Variants in FAT1 observed in about 807,000 individuals in gnomAD.
FAT1 encodes FAT atypical cadherin 1, also known as protocadherin Fat 1.
Under a neutral mutation model 329.8 loss-of-function variants are expected in FAT1, and 171 were observed. That is an observed-to-expected ratio of 0.52 (90% CI 0.46 to 0.59). FAT1 has a LOEUF of 0.59. FAT1 is among the 20% of genes least tolerant of loss of function. The probability of loss-of-function intolerance (pLI) is 0.00; values close to 1 mark genes in which losing one functional copy is unlikely to be tolerated. For synonymous variants in FAT1, 2,233 were observed against 2,228.6 expected (o/e 1.00, Z -0.06); for missense variants, 5,672 against 5,774.4 (o/e 0.98, Z 0.57).
At position 186,708,165 on chromosome 4, in the gene FAT1, C is replaced by A. The variant is rs1356988668; in HGVS notation, c.1663G>T (p.Ala555Ser). 4.3e-6 allele frequency: 7 copies of A among 1,613,872 alleles called. No individual in the cohort carries two copies. Among genetic ancestry groups the A allele is most frequent in the Non-Finnish European group, 5.1e-6 (6 of 1,179,896 alleles). The change falls in exon 2 of 27, where the codon GCT becomes TCT. Residue 555 changes from alanine (A) to serine (S), a missense_variant. Coordinates refer to ENST00000441802, the MANE Select transcript of FAT1 (RefSeq NM_005245.4). ...TTCAAGTTATTGAGAGTAATTGTAGCAAGGACTTCGACTTCCCGGCGGTAC... is the reference window on the plus strand; with the variant it reads ...TTCAAGTTATTGAGAGTAATTGTAGAAAGGACTTCGACTTCCCGGCGGTAC... Reference protein sequence around the residue: ...LPYRREVEVLATITLNNLNDN... With the variant: ...LPYRREVEVLSTITLNNLNDN...
intron 2 of FAT1, among the ~76,000 whole-genome samples, chr4:186,694,917 G>A (rs188013648): frequency 3.9e-5 from 6 of 152,166 alleles, no homozygotes; most frequent in Non-Finnish European, 5.9e-5. Flanking sequence ...AGCCAAGATC[G>A]TGCCACTGCA....
intron 3 of FAT1, among the ~76,000 whole-genome samples, chr4:186,645,366 CATATATATATATATATATATATATATAT>C (rs70964973): frequency 0.045 from 1,605 of 35,478 alleles, 89 homozygotes; most frequent in African/African-American, 0.12. Flanking sequence ...TACTTCATTA[CATATATATATATATATATATATATATAT>C]ATATATATAT....
chr4:186,719,568 A>G (rs1013943971), intron 1 of FAT1, among the ~76,000 whole-genome samples: 2 of 152,178 alleles, frequency 1.3e-5, no homozygotes, highest in Non-Finnish European at 2.9e-5. Context: ...TTTGCAAACT[A>G]ACAAATCAAA....
rs1156688261 is a variant in FAT1 at position 186,707,935 on chromosome 4, C to T, written c.1893G>A (p.Met631Ile). The T allele has an allele frequency of 1.2e-6, 2 of 1,613,860 alleles. No individual in the cohort carries two copies. Among genetic ancestry groups the T allele is most frequent in the African/African-American group, 2.7e-5 (2 of 74,912 alleles). ...AAGACACCTTTGCACCTAAGCCATC[C>T]ATTAGCGATCGCTTTAATGACAATA... ...SGVLSLKRSL[M>I]DGLGAKVSFH... The change falls in exon 2 of 27, where the codon ATG (methionine) becomes ATA (isoleucine). Residue 631 changes from methionine (M) to isoleucine (I), a missense_variant. Met to Ile is a conservative substitution (Grantham distance 10). Around this residue, in one of 2 missense-constraint regions of FAT1, gnomAD observed 3,966 missense variants for 3,915.2 expected, o/e 1.01. Transcript: ENST00000441802.
chr4:186,604,025 T>A (rs1738970473), intron 18 of FAT1, 48 bp from the exon 19 acceptor site: 2 of 1,403,398 alleles, frequency 1.4e-6, no homozygotes, highest in South Asian at 2.6e-5. Context: ...GCACTGTTTA[T>A]AACTTCTTCA....
At chr4:186,684,074 G>A (rs549709370) in intron 2 of FAT1, among the ~76,000 whole-genome samples, 1 of 151,690 alleles carries the variant, frequency 6.6e-6, no homozygotes, top group Admixed American at 6.6e-5. Context: ...AGTTTAAATA[G>A]AACTATAAAC....
intron 1 of FAT1, among the ~76,000 whole-genome samples, chr4:186,723,226 C>A (rs1745538940): frequency 6.6e-6 from 1 of 152,272 alleles, no homozygotes; most frequent in African/African-American, 2.4e-5. Context: ...CACCTCCGGG[C>A]AGCGCTCCTG....
rs1244803589 is a variant in FAT1, at chr4:186,599,986, T to A, written c.12015A>T (p.Val4005=). The change falls in exon 22 of 27, where the codon GTA becomes GTT. Residue 4005 remains valine, a synonymous_variant. Transcript: ENST00000441802. ...TGGCCGTCAGGAAGCAGCCTGGAGA[T>A]ACATCCACCGACTCTTCGATGTGTG... ...SYAHIEESVD[V]SPGCFLTATE... is the part of the protein sequence containing the mutation. 6.2e-7 allele frequency: 1 copy of A among 1,614,002 alleles called. No individual in the cohort carries two copies. The highest frequency in any genetic ancestry group is 1.1e-5 in the South Asian group (1 of 91,082).
intron 9 of FAT1, among the ~76,000 whole-genome samples, chr4:186,624,823 C>G (rs75882687): frequency 6.6e-6 from 1 of 152,122 alleles, no homozygotes; most frequent in African/African-American, 2.4e-5. Context: ...TTTTATAGTT[C>G]GTACTATTCC....
intron 2 of FAT1, among the ~76,000 whole-genome samples, chr4:186,691,593 T>G (rs55706395): frequency 6.6e-6 from 1 of 151,950 alleles, no homozygotes; most frequent in Non-Finnish European, 1.5e-5. Context: ...TCACTTGAGC[T>G]GAGGAGTTCG....
chr4:186,611,326 A>T (rs2126465776), intron 14 of FAT1, 60 bp downstream of exon 14: 1 of 1,492,044 alleles, frequency 6.7e-7, no homozygotes, highest in Non-Finnish European at 9.0e-7. Flanking sequence ...CAACGTGGTT[A>T]AGCAAATCTA....
intron 2 of FAT1, among the ~76,000 whole-genome samples, chr4:186,678,889 G>A (rs571218857): frequency 1.3e-5 from 2 of 152,028 alleles, no homozygotes; most frequent in African/African-American, 4.8e-5. Context: ...AAAGACACAT[G>A]CACATATATG....
At chr4:186,702,033 C>T (rs1579474236) in intron 2 of FAT1, among the ~76,000 whole-genome samples, 2 of 151,574 alleles carry the variant, frequency 1.3e-5, no homozygotes, top group Admixed American at 1.3e-4. Flanking sequence ...GGCCAGGAGC[C>T]GACCCCCACA....
At chr4:186,670,776 C>A (rs1014464017) in intron 2 of FAT1, among the ~76,000 whole-genome samples, 1 of 152,068 alleles carries the variant, frequency 6.6e-6, no homozygotes, top group African/African-American at 2.4e-5. Flanking sequence ...AAATGATATC[C>A]ATTACAGACA....
chr4:186,637,995 A>C (rs1387687637), intron 4 of FAT1, among the ~76,000 whole-genome samples: 2 of 152,252 alleles, frequency 1.3e-5, no homozygotes, highest in Admixed American at 6.5e-5. Flanking sequence ...TTAGAAAAAC[A>C]AGAAAGAGAA....
chr4:186,693,053 C>A (rs576307447), intron 2 of FAT1, among the ~76,000 whole-genome samples: 19 of 152,256 alleles, frequency 1.2e-4, no homozygotes, highest in African/African-American at 3.9e-4. Flanking sequence ...CAAGCATCCC[C>A]CTGGTATCTC....
intron 20 of FAT1, 72 bp downstream of exon 20, chr4:186,602,831 A>G (rs1416347601): frequency 1.3e-6 from 2 of 1,489,754 alleles, no homozygotes; most frequent in African/African-American, 1.4e-5. Flanking sequence ...GACTCCAATA[A>G]AGAAGAAAAT....
intron 1 of FAT1, among the ~76,000 whole-genome samples, chr4:186,713,775 A>G (rs879418822): frequency 6.6e-6 from 1 of 152,024 alleles, no homozygotes; most frequent in African/African-American, 2.4e-5. Context: ...CCTCCTGAGT[A>G]GCTGGGACTA....
At position 186,620,856 on chromosome 4, in the gene FAT1, T is replaced by A. The variant is rs2126519807; in HGVS notation, c.5730A>T (p.Ala1910=). Residue 1910 remains alanine, a synonymous_variant, in exon 10 of 27, where the codon GCA becomes GCT. Coordinates refer to ENST00000441802, the MANE Select transcript of FAT1 (RefSeq NM_005245.4). ...TGATGGAGTAAATCAACTGTGAGAATGCACTTGAATCAGCATCTGTAGCAT... is the reference window on the plus strand; with the variant it reads ...TGATGGAGTAAATCAACTGTGAGAAAGCACTTGAATCAGCATCTGTAGCAT... ...TVNATDADSS[A]FSQLIYSITE... is the part of the protein sequence containing the mutation. The A allele has an allele frequency of 6.2e-7, 1 of 1,614,044 alleles. No individual in the cohort carries two copies. Among genetic ancestry groups the A allele is most frequent in the Non-Finnish European group, 8.5e-7 (1 of 1,179,890 alleles).
Sources: allele counts gnomAD v4.1 joint callset (sites outside exome capture counted in the v4.1 genomes callset), GRCh38; gene constraint gnomAD v4.1.1; regional missense constraint gnomAD v4.1.1; transcripts MANE v1.5; gene names NCBI Gene and HGNC (gene_info 2026-07-23, HGNC 2026-07-21).